The following DENND4C variants were observed in gnomAD, a reference collection of about 807,000 sequenced individuals.
DENND4C encodes the protein DENN domain-containing protein 4C.
In DENND4C, 108 loss-of-function variants were observed where a neutral mutation model predicts 203.0. That is an observed-to-expected ratio of 0.53 (90% CI 0.46 to 0.62). The LOEUF is 0.62. DENND4C is among the 20% of genes least tolerant of loss of function. The pLI, the probability that DENND4C is intolerant of heterozygous loss-of-function variation, is 0.00. For synonymous variants in DENND4C, 871 were observed against 792.4 expected (o/e 1.10, Z -1.67); for missense variants, 2,481 against 2,301.2 (o/e 1.08, Z -1.60).
Position 19,347,054 on chromosome 9 carries a change from G to A in DENND4C, c.4285G>A (p.Val1429Ile), listed in dbSNP as rs1050528455. Reference sequence around the variant, plus strand: ...AGTAGCCAGTAAGATGTGGGTAGCTGTTGCGTCTGCCTACAGCTACTCAGA... The same window carrying A: ...AGTAGCCAGTAAGATGTGGGTAGCTATTGCGTCTGCCTACAGCTACTCAGA... Reference protein sequence around the residue: ...ATVASKMWVAVASAYSYSDDE... With the variant: ...ATVASKMWVAIASAYSYSDDE... The change falls in exon 23 of 33, where the codon GTT becomes ATT. Residue 1429 changes from valine (V) to isoleucine (I), a missense_variant. Physicochemically the swap from Val to Ile is conservative, Grantham distance 29 (BLOSUM62 3). Transcript: ENST00000434457. The A allele has an allele frequency of 1.2e-5, 20 of 1,613,920 alleles. No homozygotes were observed. The Middle Eastern group carries it at 4.9e-4, about 40-fold the overall frequency.
intron 1 of DENND4C, among the ~76,000 whole-genome samples, chr9:19,249,340 C>T (rs1826006636): frequency 6.6e-6 from 1 of 151,456 alleles, no homozygotes; most frequent in African/African-American, 2.4e-5. Flanking sequence ...GCAACCTCCA[C>T]CTCCTGGGTT....
At chr9:19,248,049 T>A (rs1282120043) in intron 1 of DENND4C, among the ~76,000 whole-genome samples, 1 of 152,168 alleles carries the variant, frequency 6.6e-6, no homozygotes, top group East Asian at 1.9e-4. Flanking sequence ...TCCATTCTTT[T>A]CTCCTTCTAG....
At chr9:19,292,329 C>T (rs191913659) in intron 5 of DENND4C, 3 of 151,962 alleles carry the variant, frequency 2.0e-5, no homozygotes, top group African/African-American at 7.2e-5. Flanking sequence ...CCATGCCTGG[C>T]CTATCCCGCC....
At chr9:19,278,377 G>C (rs936979090) in intron 2 of DENND4C, among the ~76,000 whole-genome samples, 1 of 151,990 alleles carries the variant, frequency 6.6e-6, no homozygotes, top group Non-Finnish European at 1.5e-5. Context: ...GACCTTAGGG[G>C]ATCTGCCTCC....
rs761175573 is a variant in DENND4C, at chr9:19,360,429, C to G, written c.5346C>G (p.Asp1782Glu). 2 of 1,614,094 alleles carry G rather than the reference C, an allele frequency of 1.2e-6. No individual in the cohort carries two copies. The highest frequency in any genetic ancestry group is 1.7e-6 in the Non-Finnish European group (2 of 1,180,006). ...WNLVWYFRRL[D>E]LPSNLPGLIL... The stretch of plus-strand genomic sequence containing the variant: ...TCGTTTGGTATTTCAGACGTTTGGA[C>G]CTTCCTAGTAACTTGCCAGGACTTA... The change falls in exon 29 of 33, where the codon GAC becomes GAG. Residue 1782 changes from aspartate (D) to glutamate (E), a missense_variant. By Grantham distance (45) the Asp-to-Glu change is conservative. Around this residue, in one of 3 missense-constraint regions of DENND4C, gnomAD observed 2,289 missense variants for 2,113.3 expected, o/e 1.08. Transcript: ENST00000434457.
At chr9:19,297,754 G>C (rs1424161038) in intron 6 of DENND4C, among the ~76,000 whole-genome samples, 5 of 152,108 alleles carry the variant, frequency 3.3e-5, no homozygotes. Context: ...TACTGGCACA[G>C]ATAACCAGGG....
chr9:19,262,212 G>A (rs1829554880), intron 1 of DENND4C, among the ~76,000 whole-genome samples: 1 of 147,464 alleles, frequency 6.8e-6, no homozygotes, highest in Non-Finnish European at 1.5e-5. Flanking sequence ...TCAGCCTCCA[G>A]AGTAGTTGGC....
intron 1 of DENND4C, among the ~76,000 whole-genome samples, chr9:19,271,686 G>T (rs1831702676): frequency 6.6e-6 from 1 of 151,962 alleles, no homozygotes; most frequent in Non-Finnish European, 1.5e-5. Context: ...GACCAACATG[G>T]AGAAACCCCG....
In DENND4C at chr9:19,230,740, G is replaced by T. The variant is rs924659769; in HGVS notation, c.-111G>T. The T allele has an allele frequency of 2.6e-5, 4 of 152,300 alleles. No homozygotes were observed. Among genetic ancestry groups the T allele is most frequent in the Non-Finnish European group, 5.9e-5 (4 of 68,162 alleles). 9.4% of individuals were successfully genotyped at this position (152,300 alleles called of 1,614,324 possible). On this transcript the variant is annotated 5_prime_UTR_variant, in exon 1 of 33. Coordinates refer to ENST00000434457, the MANE Select transcript of DENND4C (RefSeq NM_001330640.2). ...GCCGCTGGAGCTAGTCCCCCGCCCT[G>T]CCCTGCCGAGCGCGCCCAGTCCGCG...
intron 2 of DENND4C, among the ~76,000 whole-genome samples, chr9:19,283,039 G>C (rs1053245446): frequency 6.6e-6 from 1 of 151,484 alleles, no homozygotes; most frequent in Non-Finnish European, 1.5e-5. Flanking sequence ...TTCTTATTTT[G>C]AAATTTTTTG....
chr9:19,298,628 C>T (rs1028256201), intron 7 of DENND4C, among the ~76,000 whole-genome samples: 3 of 152,132 alleles, frequency 2.0e-5, no homozygotes, highest in African/African-American at 7.2e-5. Context: ...CTACTGATCA[C>T]ATGCTTGGAT....
At position 19,305,538 on chromosome 9, in the gene DENND4C, T is replaced by G; in HGVS notation, c.1487+11T>G. 1 of 1,603,522 alleles carries G rather than the reference T, an allele frequency of 6.2e-7. No homozygotes were observed. Among genetic ancestry groups the G allele is most frequent in the Non-Finnish European group, 8.5e-7 (1 of 1,176,006 alleles). On this transcript the variant is annotated intron_variant, in intron 10 of 32. Transcript: ENST00000434457. ...GAACATGTTATATGTGTAAGTTGATTCATTTTATATTATCTCCCATTTATA... is the reference window on the plus strand; with the variant it reads ...GAACATGTTATATGTGTAAGTTGATGCATTTTATATTATCTCCCATTTATA...
intron 23 of DENND4C, among the ~76,000 whole-genome samples, chr9:19,350,020 C>A (rs1379173700): frequency 6.6e-6 from 1 of 152,046 alleles, no homozygotes; most frequent in Admixed American, 6.6e-5. Flanking sequence ...AATCATGTAA[C>A]ATGGTTTTAT....
At chr9:19,315,788 C>T (rs1300209855) in intron 10 of DENND4C, among the ~76,000 whole-genome samples, 1 of 151,688 alleles carries the variant, frequency 6.6e-6, no homozygotes, top group Non-Finnish European at 1.5e-5. Context: ...TCACTGCAAC[C>T]TCCGCCTCCT....
intron 5 of DENND4C, among the ~76,000 whole-genome samples, chr9:19,292,985 G>A (rs1171182244): frequency 2.0e-5 from 3 of 152,158 alleles, no homozygotes; most frequent in African/African-American, 7.2e-5. Flanking sequence ...TAACTACTGT[G>A]ATAAAGATAA....
chr9:19,361,305 T>TA (rs1826447680), intron 29 of DENND4C, among the ~76,000 whole-genome samples: 1 of 152,182 alleles, frequency 6.6e-6, no homozygotes, highest in Non-Finnish European at 1.5e-5. Context: ...GTGACATACC[T>TA]AATAAGTGAT....
At chr9:19,258,377 C>G (rs745412026) in intron 1 of DENND4C, among the ~76,000 whole-genome samples, 6 of 152,062 alleles carry the variant, frequency 3.9e-5, no homozygotes, top group Non-Finnish European at 2.9e-5. Context: ...TATCTTGATA[C>G]CAGAACCAAA....
At chr9:19,345,341 C>T (rs1415972304) in intron 22 of DENND4C, among the ~76,000 whole-genome samples, 3 of 152,166 alleles carry the variant, frequency 2.0e-5, no homozygotes, top group Non-Finnish European at 4.4e-5. Context: ...ATATTCCTAG[C>T]ACCTCATATA....
chr9:19,321,259 G>A (rs1842828280), intron 12 of DENND4C, among the ~76,000 whole-genome samples: 1 of 152,208 alleles, frequency 6.6e-6, no homozygotes, highest in Non-Finnish European at 1.5e-5. Context: ...ATTATTAGAG[G>A]TGACCTGGAT....
Sources: allele counts gnomAD v4.1 joint callset (sites outside exome capture counted in the v4.1 genomes callset), GRCh38; gene constraint gnomAD v4.1.1; regional missense constraint gnomAD v4.1.1; transcripts MANE v1.5; gene names NCBI Gene and HGNC (gene_info 2026-07-23, HGNC 2026-07-21).